Variants in HS3ST2 observed in about 807,000 individuals in gnomAD.
HS3ST2 encodes heparan sulfate glucosamine 3-O-sulfotransferase 2.
HS3ST2 carries 17 observed loss-of-function variants against 26.3 expected under a neutral mutation model. The ratio of observed to expected loss-of-function variants is 0.65; its 90% CI spans 0.44 to 0.97. HS3ST2 has a LOEUF of 0.97. Ranked by LOEUF, HS3ST2 falls within the 50% of genes least tolerant of loss-of-function variation. The pLI is 0.00. For missense variants in HS3ST2, 402 were observed against 501.2 expected (o/e 0.80, Z 1.89); for synonymous variants, 237 against 219.2 (o/e 1.08, Z -0.72).
chr16:22,883,612 A>C (rs1307165289), intron 1 of HS3ST2, among the ~76,000 whole-genome samples: 6 of 152,184 alleles, frequency 3.9e-5, no homozygotes, highest in Admixed American at 2.6e-4. Flanking sequence ...GGTTTTTTGG[A>C]TTGAAGGCAA....
chr16:22,867,559 G>C (rs192277572), intron 1 of HS3ST2, among the ~76,000 whole-genome samples: 19 of 152,262 alleles, frequency 1.2e-4, no homozygotes, highest in Middle Eastern at 3.4e-3. Context: ...CAATGAACAT[G>C]AACAAGCAAC....
intron 1 of HS3ST2, chr16:22,833,310 A>G (rs1901203202): frequency 4.4e-6 from 2 of 456,010 alleles, no homozygotes; most frequent in Non-Finnish European, 8.8e-6. Flanking sequence ...TTGTCGGTGC[A>G]CACACTTGGG....
intron 1 of HS3ST2, among the ~76,000 whole-genome samples, chr16:22,895,066 CTTTCT>C (rs1462637069): frequency 8.5e-6 from 1 of 117,772 alleles, no homozygotes; most frequent in Non-Finnish European, 1.8e-5. Context: ...TCTTTTCTTT[CTTTCT>C]TTTTTTTTTT....
intron 1 of HS3ST2, among the ~76,000 whole-genome samples, chr16:22,893,164 G>A (rs1366887936): frequency 3.9e-5 from 6 of 152,232 alleles, no homozygotes; most frequent in South Asian, 2.1e-4. Context: ...TCTTAGCTTC[G>A]CTATTCAGTA....
chr16:22,870,035 A>G lies in HS3ST2; in HGVS notation c.486-44909A>G, dbSNP rs143634316. On this transcript the variant is annotated intron_variant, in intron 1 of 1. Coordinates refer to ENST00000261374, the MANE Select transcript of HS3ST2 (RefSeq NM_006043.2). The stretch of plus-strand genomic sequence containing the variant: ...CTCACATTGAATTTAAAATGTAGGT[A>G]TAATTTATTAATATCTCCAAGCCTA... Among the ~76,000 whole-genome samples the G allele has an allele frequency of 4.4e-3, 667 of 152,284 alleles. 5 individuals carry two copies. The highest frequency in any genetic ancestry group is 0.015 in the African/African-American group (639 of 41,554).
intron 1 of HS3ST2, among the ~76,000 whole-genome samples, chr16:22,893,709 A>G (rs561502376): frequency 4.9e-4 from 74 of 150,122 alleles, no homozygotes; most frequent in African/African-American, 1.6e-3. Flanking sequence ...GCAAACTAAC[A>G]CAGGAACAGA....
intron 1 of HS3ST2, among the ~76,000 whole-genome samples, chr16:22,870,035 A>T (rs143634316): frequency 7.0e-4 from 106 of 152,284 alleles, no homozygotes; most frequent in Non-Finnish European, 1.3e-3. Context: ...AAATGTAGGT[A>T]TAATTTATTA....
In HS3ST2 at chr16:22,814,876, C is replaced by T. The variant is rs776305386; in HGVS notation, c.266C>T (p.Pro89Leu). 46 of 1,557,606 alleles carry T rather than the reference C, an allele frequency of 3.0e-5. No individual in the cohort carries two copies. The highest frequency in any genetic ancestry group is 3.8e-5 in the Non-Finnish European group (44 of 1,151,906). ...TPSEPSAPSA[P>L]AAAVPAPRLS... is the part of the protein sequence containing the mutation. Reference sequence around the variant, plus strand: ...AGCGAGCCCAGCGCTCCCAGCGCGCCCGCCGCCGCCGTGCCCGCCCCTCGC... The same window carrying T: ...AGCGAGCCCAGCGCTCCCAGCGCGCTCGCCGCCGCCGTGCCCGCCCCTCGC... Residue 89 changes from proline to leucine, a missense_variant, in exon 1 of 2, where the codon CCC (proline) becomes CTC (leucine). Pro to Leu is a moderately conservative substitution (Grantham distance 98). Around this residue, in one of 2 missense-constraint regions of HS3ST2, gnomAD observed 165 missense variants for 154.6 expected, o/e 1.07. Coordinates refer to ENST00000261374, the MANE Select transcript of HS3ST2 (RefSeq NM_006043.2).
At position 22,833,852 on chromosome 16, in the gene HS3ST2, C is replaced by T. The variant is rs577174780; in HGVS notation, c.485+18757C>T. The stretch of plus-strand genomic sequence containing the variant: ...CAAACAAAAAATAAAGAGATATTCA[C>T]GTGGCAGAATCCAGCATAGCAGATA... On this transcript the variant is annotated intron_variant, in intron 1 of 1. Coordinates refer to ENST00000261374, the MANE Select transcript of HS3ST2 (RefSeq NM_006043.2). 8.8e-4 allele frequency among the ~76,000 whole-genome samples: 133 copies of T among 151,574 alleles called. 1 individual carries two copies. The highest frequency in any genetic ancestry group is 2.8e-3 in the African/African-American group (117 of 41,230).
At chr16:22,838,897 C>T (rs1160889565) in intron 1 of HS3ST2, among the ~76,000 whole-genome samples, 1 of 152,104 alleles carries the variant, frequency 6.6e-6, no homozygotes, top group Non-Finnish European at 1.5e-5. Flanking sequence ...CCTTTTTCAC[C>T]AGTCCAGGCC....
At chr16:22,856,894 G>A (rs950789405) in intron 1 of HS3ST2, among the ~76,000 whole-genome samples, 1 of 152,124 alleles carries the variant, frequency 6.6e-6, no homozygotes, top group Non-Finnish European at 1.5e-5. Context: ...GCTTTTCCAC[G>A]CTCAGATCTG....
intron 1 of HS3ST2, among the ~76,000 whole-genome samples, chr16:22,846,164 C>G (rs760479523): frequency 6.6e-6 from 1 of 151,960 alleles, no homozygotes; most frequent in Admixed American, 6.6e-5. Flanking sequence ...GTAGTCCCAG[C>G]TACTTGGGAG....
intron 1 of HS3ST2, among the ~76,000 whole-genome samples, chr16:22,879,893 G>A (rs1901964851): frequency 6.6e-6 from 1 of 152,166 alleles, no homozygotes; most frequent in African/African-American, 2.4e-5. Flanking sequence ...ATGAACCCCA[G>A]ACTGGACACA....
At chr16:22,894,644 TC>T (rs1192819611) in intron 1 of HS3ST2, among the ~76,000 whole-genome samples, 1 of 150,918 alleles carries the variant, frequency 6.6e-6, no homozygotes, top group African/African-American at 2.4e-5. Flanking sequence ...ACGCCTGCAA[TC>T]CCAGCCACTT....
intron 1 of HS3ST2, among the ~76,000 whole-genome samples, chr16:22,879,087 A>G (rs1242951063): frequency 6.6e-6 from 1 of 152,222 alleles, no homozygotes; most frequent in Non-Finnish European, 1.5e-5. Context: ...CTGAGCACCC[A>G]TCTCCATAAA....
In HS3ST2 at chr16:22,857,137, G is replaced by A. The variant is rs149270900; in HGVS notation, c.485+42042G>A. On this transcript the variant is annotated intron_variant, in intron 1 of 1. Transcript: ENST00000261374. ...GTTCAGAGGGGCTAAATGACACCTC[G>A]TTAAAAAAAATCAGTTAGGTTTCAA... Among the ~76,000 whole-genome samples the A allele has an allele frequency of 3.1e-3, 469 of 152,092 alleles. 4 individuals carry two copies. The highest frequency in any genetic ancestry group is 0.01 in the African/African-American group (429 of 41,482).
At position 22,834,018 on chromosome 16, in the gene HS3ST2, ACTTAT is replaced by A. The variant is rs1334342093; in HGVS notation, c.485+18929_485+18933del. Reference sequence around the variant, plus strand: ...GGGAGGAATAGATAATGTATATTTAACTTATCTTATTTATGCATAAATAAATTTTG... The same window carrying A: ...GGGAGGAATAGATAATGTATATTTAACTTATTTATGCATAAATAAATTTTG... On this transcript the variant is annotated intron_variant, in intron 1 of 1. Transcript: ENST00000261374. 2.1e-4 allele frequency among the ~76,000 whole-genome samples: 32 copies of A among 152,316 alleles called. 1 individual carries two copies. The Middle Eastern group carries it at 0.02, about 97-fold the overall frequency.
chr16:22,896,558 T>G (rs2141202828), intron 1 of HS3ST2, among the ~76,000 whole-genome samples: 1 of 152,364 alleles, frequency 6.6e-6, no homozygotes, highest in Non-Finnish European at 1.5e-5. Context: ...TTCTCTCTCA[T>G]CAGCTCAATG....
chr16:22,915,611 G>C lies in HS3ST2; in HGVS notation c.*49G>C. 1 of 1,560,966 alleles carries C rather than the reference G, an allele frequency of 6.4e-7. No individual in the cohort carries two copies. Among genetic ancestry groups the C allele is most frequent in the South Asian group, 1.2e-5 (1 of 81,026 alleles). ...AAGGGCTCTTCTGCTCATCTCTTCCGTGAGATTTGCTCCCAGACCCTCTGA... is the reference window on the plus strand; with the variant it reads ...AAGGGCTCTTCTGCTCATCTCTTCCCTGAGATTTGCTCCCAGACCCTCTGA... On this transcript the variant is annotated 3_prime_UTR_variant, in exon 2 of 2. Transcript: ENST00000261374.
Sources: gnomAD v4.1 joint callset for allele counts (sites outside exome capture counted in the v4.1 genomes callset) on GRCh38, gnomAD v4.1.1 for gene constraint, gnomAD v4.1.1 regional missense constraint, MANE v1.5 for transcripts, NCBI Gene and HGNC (gene_info 2026-07-23, HGNC 2026-07-21) for gene names.